Variants in FRMD4A observed in about 807,000 individuals in gnomAD.
The protein encoded by FRMD4A is FERM domain-containing protein 4A.
In FRMD4A, 29 loss-of-function variants were observed where a neutral mutation model predicts 129.1. That is an observed-to-expected ratio of 0.22 (90% CI 0.17 to 0.31). The LOEUF (loss-of-function observed/expected upper bound fraction) is 0.31. FRMD4A is among the 10% of genes least tolerant of loss of function. The pLI is 1.00. For synonymous variants in FRMD4A, 634 were observed against 571.6 expected, an observed-to-expected ratio of 1.11 and a Z score of -1.56; for missense variants, 1,272 against 1,375.8, an observed-to-expected ratio of 0.92 and a Z score of 1.19.
At chr10:14,261,232 T>A (rs1250768372) in intron 2 of FRMD4A, among the ~76,000 whole-genome samples, 1 of 152,200 alleles carries the variant, frequency 6.6e-6, no homozygotes, top group East Asian at 1.9e-4. Context: ...CAAAACATCA[T>A]GATTAAACAT....
chr10:14,324,195 G>A (rs1406424340), intron 2 of FRMD4A, among the ~76,000 whole-genome samples: 2 of 152,192 alleles, frequency 1.3e-5, no homozygotes, highest in Non-Finnish European at 2.9e-5. Flanking sequence ...ATCTGAGTTA[G>A]TTTTACAGTT....
chr10:14,004,198 C>T (rs557868141), intron 2 of FRMD4A, among the ~76,000 whole-genome samples: 10 of 152,304 alleles, frequency 6.6e-5, no homozygotes, highest in African/African-American at 2.2e-4. Context: ...TAAAGGATCT[C>T]CCCAGGAGAC....
chr10:14,173,779 A>G (rs973837149), intron 2 of FRMD4A, among the ~76,000 whole-genome samples: 1 of 151,998 alleles, frequency 6.6e-6, no homozygotes, highest in African/African-American at 2.4e-5. Flanking sequence ...AGGCGAACTC[A>G]TTTACTGAGG....
chr10:14,247,220 C>T (rs1331316393), intron 2 of FRMD4A, among the ~76,000 whole-genome samples: 1 of 152,102 alleles, frequency 6.6e-6, no homozygotes, highest in Non-Finnish European at 1.5e-5. Flanking sequence ...TGCCCAGAGT[C>T]ACCCCGCTTC....
intron 2 of FRMD4A, among the ~76,000 whole-genome samples, chr10:13,905,145 C>G (rs1026549049): frequency 6.6e-6 from 1 of 152,004 alleles, no homozygotes; most frequent in African/African-American, 2.4e-5. Context: ...CAACACTGGC[C>G]CCAACAATAA....
intron 2 of FRMD4A, among the ~76,000 whole-genome samples, chr10:14,124,362 T>G (rs2131815895): frequency 6.6e-6 from 1 of 152,270 alleles, no homozygotes; most frequent in East Asian, 1.9e-4. Context: ...ATTTCACAGA[T>G]AAGCAAACTG....
intron 2 of FRMD4A, among the ~76,000 whole-genome samples, chr10:14,102,384 G>A (rs1242925468): frequency 2.0e-5 from 3 of 152,148 alleles, no homozygotes; most frequent in Non-Finnish European, 2.9e-5. Flanking sequence ...AAAACTAGCC[G>A]GGTGTGGTGG....
At chr10:14,194,266 C>G (rs1164183219) in intron 2 of FRMD4A, among the ~76,000 whole-genome samples, 4 of 152,142 alleles carry the variant, frequency 2.6e-5, no homozygotes, top group African/African-American at 9.7e-5. Context: ...ACTCGTCAGC[C>G]CTACTACTTC....
chr10:13,976,542 A>T (rs2095542716), intron 2 of FRMD4A, among the ~76,000 whole-genome samples: 2 of 132,240 alleles, frequency 1.5e-5, no homozygotes, highest in South Asian at 5.8e-4. Context: ...GTAAAGACAG[A>T]GGAATTTTTT....
chr10:13,665,671 C>T (rs531351523), intron 18 of FRMD4A, among the ~76,000 whole-genome samples: 7 of 152,270 alleles, frequency 4.6e-5, no homozygotes, highest in Non-Finnish European at 7.4e-5. Flanking sequence ...AGTGGGTTGG[C>T]GGGGGCCGCT....
chr10:13,670,591 G>GC, intron 16 of FRMD4A, 63 bp from the exon 17 acceptor site: 1 of 1,568,992 alleles, frequency 6.4e-7, no homozygotes, highest in South Asian at 1.1e-5. Context: ...CTGCTTCCTA[G>GC]AACACACACA....
intron 3 of FRMD4A, among the ~76,000 whole-genome samples, chr10:13,836,636 T>G (rs1273305114): frequency 6.6e-6 from 1 of 151,996 alleles, no homozygotes; most frequent in Non-Finnish European, 1.5e-5. Flanking sequence ...CCTCCACAAC[T>G]GAAGAAGTCA....
chr10:14,247,205 G>A (rs768851256), intron 2 of FRMD4A, among the ~76,000 whole-genome samples: 1 of 152,052 alleles, frequency 6.6e-6, no homozygotes, highest in Non-Finnish European at 1.5e-5. Flanking sequence ...AGACTGTGAT[G>A]GCCATGCCCA....
intron 2 of FRMD4A, among the ~76,000 whole-genome samples, chr10:14,193,628 G>A (rs1331924230): frequency 2.0e-5 from 3 of 151,018 alleles, no homozygotes; most frequent in African/African-American, 7.3e-5. Context: ...AGCAATGAAA[G>A]ATGGCCTGGA....
At chr10:14,201,969 A>AAAAC (rs537307959) in intron 2 of FRMD4A, among the ~76,000 whole-genome samples, 4 of 151,992 alleles carry the variant, frequency 2.6e-5, no homozygotes, top group African/African-American at 9.7e-5. Flanking sequence ...TCTCTACTGA[A>AAAAC]AAACAAACAA....
chr10:13,674,592 T>C (rs575175690), intron 16 of FRMD4A, among the ~76,000 whole-genome samples: 13 of 152,272 alleles, frequency 8.5e-5, no homozygotes, highest in Non-Finnish European at 1.8e-4. Context: ...CATATTCTTT[T>C]AAAAAAATTC....
chr10:13,668,354 C>G (rs1318172399), intron 17 of FRMD4A: 2 of 152,220 alleles, frequency 1.3e-5, no homozygotes, highest in African/African-American at 4.8e-5. Context: ...GGCCCTGGCA[C>G]CAGACACTGA....
At chr10:13,680,915 T>C (rs1419402551) in intron 15 of FRMD4A, among the ~76,000 whole-genome samples, 3 of 151,932 alleles carry the variant, frequency 2.0e-5, no homozygotes, top group Non-Finnish European at 4.4e-5. Context: ...TCTGCTATCA[T>C]GGAGAGAGGG....
intron 2 of FRMD4A, among the ~76,000 whole-genome samples, chr10:13,916,767 C>T (rs1285619171): frequency 6.6e-6 from 1 of 152,098 alleles, no homozygotes; most frequent in Non-Finnish European, 1.5e-5. Flanking sequence ...TAAAACCATA[C>T]CATATTTTCA....
Sources: gnomAD v4.1 joint callset for allele counts (sites outside exome capture counted in the v4.1 genomes callset) on GRCh38, gnomAD v4.1.1 for gene constraint, MANE v1.5 for transcripts, NCBI Gene and HGNC (gene_info 2026-07-23, HGNC 2026-07-21) for gene names.